Variants in PGM5 observed in about 807,000 individuals in gnomAD.
PGM5 encodes the protein phosphoglucomutase-like protein 5.
Under a neutral mutation model 59.2 loss-of-function variants are expected in PGM5, and 23 were observed. The ratio of observed to expected loss-of-function variants is 0.39; its 90% confidence interval spans 0.28 to 0.55. PGM5 has a LOEUF of 0.55. PGM5 is among the 20% of genes least tolerant of loss of function. The probability of loss-of-function intolerance (pLI) is 0.66; values close to 1 mark genes in which losing one functional copy is unlikely to be tolerated. For missense variants in PGM5, 574 were observed against 748.3 expected (o/e 0.77, Z 2.72); for synonymous variants, 214 against 286.0 (o/e 0.75, Z 2.54).
At chr9:68,372,154 A>C (rs1554677208) in intron 1 of PGM5, among the ~76,000 whole-genome samples, 1 of 152,160 alleles carries the variant, frequency 6.6e-6, no homozygotes, top group Non-Finnish European at 1.5e-5. Context: ...TCCCATAACA[A>C]ATTACCACAT....
At chr9:68,371,401 G>A (rs1480191928) in intron 1 of PGM5, among the ~76,000 whole-genome samples, 1 of 152,154 alleles carries the variant, frequency 6.6e-6, no homozygotes, top group Non-Finnish European at 1.5e-5. Context: ...TTGACAGAGG[G>A]TAGTATTTCT....
chr9:68,416,353 G>T lies in PGM5; in HGVS notation c.1043+23880G>T, dbSNP rs561490997. On this transcript the variant is annotated intron_variant, in intron 6 of 10. Transcript: ENST00000396396. The stretch of plus-strand genomic sequence containing the variant: ...TAACCCTTGGGGGACCCTGAGGCAT[G>T]TGTTTTTCATGGGCCCCTAGCGTGC... Among the ~76,000 whole-genome samples the T allele has an allele frequency of 2.0e-5, 3 of 152,308 alleles. No individual in the cohort carries two copies. In the East Asian group the frequency reaches 5.8e-4, roughly 29 times the overall value.
chr9:68,394,564 C>G (rs1822450695), intron 6 of PGM5: 1 of 151,674 alleles, frequency 6.6e-6, no homozygotes, highest in Non-Finnish European at 1.5e-5. Context: ...AAAAGACATT[C>G]TGGAGACACT....
chr9:68,516,529 C>A (rs1824827313), intron 10 of PGM5, among the ~76,000 whole-genome samples: 1 of 152,224 alleles, frequency 6.6e-6, no homozygotes, highest in African/African-American at 2.4e-5. Context: ...AGACTGTGAA[C>A]TCTTCTCCCG....
chr9:68,357,562 T>C (rs1333033278), intron 1 of PGM5, among the ~76,000 whole-genome samples, 174 bp downstream of exon 1: 9 of 152,098 alleles, frequency 5.9e-5, no homozygotes, highest in Admixed American at 5.2e-4. Context: ...GCTCGCAGCC[T>C]CCCCGGTGCA....
chr9:68,419,436 G>A (rs1408316614), intron 6 of PGM5, among the ~76,000 whole-genome samples: 2 of 152,172 alleles, frequency 1.3e-5, no homozygotes, highest in Non-Finnish European at 2.9e-5. Context: ...GTCTAGAAAA[G>A]AAGGGCATCC....
intron 2 of PGM5, 94 bp downstream of exon 2, chr9:68,378,455 G>A: frequency 2.1e-6 from 3 of 1,416,860 alleles, no homozygotes; most frequent in Non-Finnish European, 2.8e-6. Flanking sequence ...GACAAGCAAG[G>A]TGCAGAGGAC....
At chr9:68,526,627 C>G (rs1329383432) in intron 10 of PGM5, among the ~76,000 whole-genome samples, 1 of 152,232 alleles carries the variant, frequency 6.6e-6, no homozygotes, top group African/African-American at 2.4e-5. Context: ...AAGATTCCCA[C>G]TCATAATTCA....
chr9:68,521,421 G>C (rs537927963), intron 10 of PGM5, among the ~76,000 whole-genome samples: 1 of 152,228 alleles, frequency 6.6e-6, no homozygotes, highest in South Asian at 2.1e-4. Flanking sequence ...GGAGGAAAAT[G>C]GAGAATGGAG....
chr9:68,488,840 T>C (rs1824340597), intron 9 of PGM5, among the ~76,000 whole-genome samples: 1 of 152,202 alleles, frequency 6.6e-6, no homozygotes, highest in Non-Finnish European at 1.5e-5. Context: ...ACTGATGCTA[T>C]TTTCTTCAAA....
intron 6 of PGM5, among the ~76,000 whole-genome samples, chr9:68,424,612 T>C (rs1318129285): frequency 1.3e-5 from 2 of 152,196 alleles, no homozygotes; most frequent in Non-Finnish European, 2.9e-5. Flanking sequence ...TAATGGGTGT[T>C]CTTAAACAAG....
intron 6 of PGM5, among the ~76,000 whole-genome samples, chr9:68,447,412 C>T (rs188463501): frequency 1.2e-4 from 19 of 152,036 alleles, no homozygotes; most frequent in African/African-American, 4.3e-4. Context: ...CAGTGAGGCT[C>T]GAGTTTGGAG....
chr9:68,469,143 C>G (rs1823983141), intron 7 of PGM5, among the ~76,000 whole-genome samples: 1 of 152,192 alleles, frequency 6.6e-6, no homozygotes, highest in African/African-American at 2.4e-5. Context: ...GTCTAAAACT[C>G]CTGGCCTCAA....
At chr9:68,397,820 AAC>A (rs1563993104) in intron 6 of PGM5, 1 of 152,206 alleles carries the variant, frequency 6.6e-6, no homozygotes. Flanking sequence ...AAAGATCAGA[AAC>A]AGGTATCTGG....
intron 9 of PGM5, among the ~76,000 whole-genome samples, chr9:68,486,698 T>C (rs535777228): frequency 6.6e-6 from 1 of 152,328 alleles, no homozygotes; most frequent in African/African-American, 2.4e-5. Context: ...ATGTGTGAGG[T>C]ATTTCCACTT....
At chr9:68,376,729 T>G (rs1356457727) in intron 1 of PGM5, among the ~76,000 whole-genome samples, 1 of 152,062 alleles carries the variant, frequency 6.6e-6, no homozygotes, top group African/African-American at 2.4e-5. Flanking sequence ...TACAGGTTCT[T>G]ATTCGGTAGG....
intron 10 of PGM5, among the ~76,000 whole-genome samples, chr9:68,528,319 A>T (rs566982401): frequency 3.3e-5 from 5 of 152,204 alleles, no homozygotes; most frequent in Non-Finnish European, 7.4e-5. Context: ...ATCATAGTTC[A>T]CTGTAACCTT....
chr9:68,357,203 G>A lies in PGM5; in HGVS notation c.76G>A (p.Gly26Ser), dbSNP rs782197468. The A allele has an allele frequency of 1.9e-5, 30 of 1,540,010 alleles. No homozygotes were observed. The highest frequency in any genetic ancestry group is 2.7e-5 in the African/African-American group (2 of 72,844). Residue 26 changes from glycine (G) to serine (S), a missense_variant, in exon 1 of 11, where the codon GGT becomes AGT. Around this residue, in one of 7 missense-constraint regions of PGM5, gnomAD observed 60 missense variants for 71.0 expected, o/e 0.85. Transcript: ENST00000396396. The stretch of plus-strand genomic sequence containing the variant: ...GGACCAGCGGCCGGCCGGCGGCGGG[G>A]GTCTGCGGCGACCCACCGGCCTCTT... The part of the protein sequence containing the change: ...YEDQRPAGGG[G>S]LRRPTGLFEG...
At chr9:68,447,426 G>C (rs945810881) in intron 6 of PGM5, among the ~76,000 whole-genome samples, 2 of 152,182 alleles carry the variant, frequency 1.3e-5, no homozygotes, top group Admixed American at 6.5e-5. Context: ...TTTGGAGAGA[G>C]AGAGAGAGAG....
Sources: allele counts gnomAD v4.1 joint callset (sites outside exome capture counted in the v4.1 genomes callset), GRCh38; gene constraint gnomAD v4.1.1; regional missense constraint gnomAD v4.1.1; transcripts MANE v1.5; gene names NCBI Gene and HGNC (gene_info 2026-07-23, HGNC 2026-07-21).